Variants in YWHAB observed in about 807,000 individuals in gnomAD.
YWHAB encodes the protein tyrosine 3-monooxygenase/tryptophan 5-monooxygenase activation protein beta, also known as 14-3-3 protein beta/alpha.
Under a neutral mutation model 28.5 loss-of-function variants are expected in YWHAB, and 2 were observed. The ratio of observed to expected loss-of-function variants is 0.07; its 90% CI spans 0.03 to 0.22. The LOEUF (loss-of-function observed/expected upper bound fraction) is 0.22, where lower values mean the gene tolerates loss of function less well. YWHAB is among the 10% of genes least tolerant of loss of function. The pLI is 1.00. For missense variants in YWHAB, 148 were observed against 297.1 expected, an observed-to-expected ratio of 0.50 and a Z score of 3.69; for synonymous variants, 103 against 104.7, an observed-to-expected ratio of 0.98 and a Z score of 0.10.
chr20:44,897,359 A>G (rs1380184020), intron 1 of YWHAB, among the ~76,000 whole-genome samples: 1 of 152,212 alleles, frequency 6.6e-6, no homozygotes, highest in Non-Finnish European at 1.5e-5. Context: ...GTAGAGTTGC[A>G]TAGGTACTGT....
In YWHAB at chr20:44,904,272, G is replaced by A. The variant is rs1301016552; in HGVS notation, c.424+156G>A. On this transcript the variant is annotated intron_variant, in intron 3 of 5. Coordinates refer to ENST00000353703, the MANE Select transcript of YWHAB (RefSeq NM_139323.4). ...AGCATTGTGACGAACGGGGTCATGG[G>A]CGGGCAAATAAAAATTTATCTGACA... 2.6e-5 allele frequency among the ~76,000 whole-genome samples: 4 copies of A among 152,270 alleles called. No individual in the cohort carries two copies. In the East Asian group the frequency reaches 7.7e-4, roughly 29 times the overall value.
At chr20:44,902,593 T>C (rs563565807) in intron 2 of YWHAB, 8 of 152,388 alleles carry the variant, frequency 5.2e-5, no homozygotes, top group African/African-American at 1.9e-4. Flanking sequence ...CCCTGCTGGC[T>C]GCCTTTCTAA....
intron 1 of YWHAB, 138 bp from the exon 2 acceptor site, chr20:44,901,393 A>G (rs1243492147): frequency 1.1e-6 from 1 of 891,262 alleles, no homozygotes. Flanking sequence ...TATCATCAAT[A>G]TTGTTGATGG....
chr20:44,886,957 C>T (rs1187415622), intron 1 of YWHAB: 1 of 152,192 alleles, frequency 6.6e-6, no homozygotes, highest in Non-Finnish European at 1.5e-5. Context: ...ATAAAATCAG[C>T]CTCGGGAACC....
At chr20:44,887,108 A>C (rs1392654697) in intron 1 of YWHAB, 1 of 152,218 alleles carries the variant, frequency 6.6e-6, no homozygotes, top group African/African-American at 2.4e-5. Flanking sequence ...AAATGTGTAT[A>C]AGTATTTGTT....
chr20:44,898,976 T>C (rs1248576658), intron 1 of YWHAB, among the ~76,000 whole-genome samples: 2 of 150,238 alleles, frequency 1.3e-5, no homozygotes, highest in East Asian at 4.0e-4. Context: ...ATCAGCCGAG[T>C]GTGGTGGTGC....
intron 1 of YWHAB, among the ~76,000 whole-genome samples, chr20:44,899,942 T>G (rs1341031308): frequency 6.6e-6 from 1 of 152,242 alleles, no homozygotes; most frequent in Non-Finnish European, 1.5e-5. Context: ...ATATACAAAA[T>G]TAGTGCCTGA....
intron 1 of YWHAB, among the ~76,000 whole-genome samples, chr20:44,899,500 C>T (rs1222874249): frequency 6.6e-6 from 1 of 151,960 alleles, no homozygotes; most frequent in Non-Finnish European, 1.5e-5. Flanking sequence ...ACAAAGCACA[C>T]AAAAAAACCT....
At position 44,887,425 on chromosome 20, in the gene YWHAB, A is replaced by G. The variant is rs1409711900; in HGVS notation, c.-4+1539A>G. ...GAAATGAGGTGATTTGGCCTAGACT[A>G]TACACCTAGTTTTTTTCAAACTGAA... On this transcript the variant is annotated intron_variant, in intron 1 of 5. Transcript: ENST00000353703. 2.6e-5 allele frequency: 4 copies of G among 152,208 alleles called. No homozygotes were observed. In the South Asian group the frequency reaches 8.3e-4, roughly 32 times the overall value. 9.4% of individuals were successfully genotyped at this position (152,208 alleles called of 1,614,324 possible). A position where few individuals can be genotyped will look rare whatever the true frequency, so the allele number is the denominator to read the frequency against.
rs371263055 is a variant in YWHAB at position 44,904,152 on chromosome 20, A to G, written c.424+36A>G. ...TCTTTAAAAAGAAATTCGACCAGTAATGGAGCCAGTCTTCTTTCACAGGGA... is the reference window on the plus strand; with the variant it reads ...TCTTTAAAAAGAAATTCGACCAGTAGTGGAGCCAGTCTTCTTTCACAGGGA... On this transcript the variant is annotated intron_variant, in intron 3 of 5. Coordinates refer to ENST00000353703, the MANE Select transcript of YWHAB (RefSeq NM_139323.4). 58 of 1,609,054 alleles carry G rather than the reference A, an allele frequency of 3.6e-5. No homozygotes were observed. In the African/African-American group the frequency reaches 6.8e-4, roughly 19 times the overall value.
At chr20:44,896,891 A>G (rs74647674) in intron 1 of YWHAB, among the ~76,000 whole-genome samples, 1 of 152,234 alleles carries the variant, frequency 6.6e-6, no homozygotes, top group Non-Finnish European at 1.5e-5. Flanking sequence ...ACCTTTAGCT[A>G]TGGATTTTGT....
At chr20:44,892,766 T>C (rs906518134) in intron 1 of YWHAB, among the ~76,000 whole-genome samples, 1 of 152,194 alleles carries the variant, frequency 6.6e-6, no homozygotes, top group African/African-American at 2.4e-5. Flanking sequence ...CAGATTCAGG[T>C]AAGTTATAAT....
chr20:44,890,328 A>G (rs2066552945), intron 1 of YWHAB, among the ~76,000 whole-genome samples: 1 of 152,204 alleles, frequency 6.6e-6, no homozygotes, highest in South Asian at 2.1e-4. Context: ...AGTCTAAGAC[A>G]ATAAAAACAG....
At chr20:44,892,901 TAATG>T (rs2066571347) in intron 1 of YWHAB, among the ~76,000 whole-genome samples, 1 of 152,222 alleles carries the variant, frequency 6.6e-6, no homozygotes, top group African/African-American at 2.4e-5. Context: ...TGACATATAA[TAATG>T]GAGTCTTCAT....
intron 1 of YWHAB, among the ~76,000 whole-genome samples, chr20:44,888,871 G>A (rs889272988): frequency 2.6e-5 from 4 of 152,064 alleles, no homozygotes; most frequent in African/African-American, 9.7e-5. Context: ...TTTATCTTAC[G>A]ACTTCATCAG....
Position 44,892,394 on chromosome 20 carries a change from G to C in YWHAB, c.-4+6508G>C, listed in dbSNP as rs892905533. On this transcript the variant is annotated intron_variant, in intron 1 of 5. Coordinates refer to ENST00000353703, the MANE Select transcript of YWHAB (RefSeq NM_139323.4). ...CTGTCTGGTTGGCTTTCTAAGGAGA[G>C]GCATTGTAACCCTTAAACGTGTGCT... is the stretch of plus-strand genomic sequence containing the variant. Among the ~76,000 whole-genome samples the C allele has an allele frequency of 2.5e-3, 385 of 151,660 alleles. 2 individuals carry two copies. Among genetic ancestry groups the C allele is most frequent in the African/African-American group, 9.1e-3 (375 of 41,368 alleles).
At chr20:44,901,988 T>C (rs1015028093) in intron 2 of YWHAB, 155 bp downstream of exon 2, 3 of 806,384 alleles carry the variant, frequency 3.7e-6, no homozygotes, top group South Asian at 2.8e-5. Context: ...GCATATGATA[T>C]AATTTGTGTC....
intron 1 of YWHAB, among the ~76,000 whole-genome samples, chr20:44,898,647 A>G (rs1156402091): frequency 2.0e-5 from 3 of 151,864 alleles, no homozygotes; most frequent in Non-Finnish European, 2.9e-5. Flanking sequence ...AGCTGGGACT[A>G]TAGGCACGTG....
chr20:44,897,324 C>CT (rs1216946595), intron 1 of YWHAB, among the ~76,000 whole-genome samples: 1 of 152,166 alleles, frequency 6.6e-6, no homozygotes, highest in Non-Finnish European at 1.5e-5. Context: ...TTGGCCAGTA[C>CT]TTTATGATTT....
Sources: allele counts gnomAD v4.1 joint callset (sites outside exome capture counted in the v4.1 genomes callset), GRCh38; gene constraint gnomAD v4.1.1; transcripts MANE v1.5; gene names NCBI Gene and HGNC (gene_info 2026-07-23, HGNC 2026-07-21).